ZBTB24: variants seen among roughly 807,000 people sequenced by gnomAD.
ZBTB24 encodes zinc finger and BTB domain-containing protein 24.
Under a neutral mutation model 53.8 loss-of-function variants are expected in ZBTB24, and 32 were observed. That is an observed-to-expected ratio of 0.60 (90% confidence interval 0.45 to 0.80). The LOEUF (loss-of-function observed/expected upper bound fraction) is 0.80. Among genes scored for constraint, ZBTB24 ranks in the 30% least tolerant of loss-of-function variants. The pLI is 0.00. For missense variants in ZBTB24, 722 were observed against 837.1 expected, an observed-to-expected ratio of 0.86 and a Z score of 1.70; for synonymous variants, 297 against 306.7, an observed-to-expected ratio of 0.97 and a Z score of 0.33.
chr6:109,466,500 A>G lies in ZBTB24; in HGVS notation c.1445T>C (p.Ile482Thr). The change falls in exon 7 of 7, where the codon ATT becomes ACT. Residue 482 changes from isoleucine (I) to threonine (T), a missense_variant. Ile to Thr is a moderately conservative substitution (Grantham distance 89). Coordinates refer to ENST00000230122, the MANE Select transcript of ZBTB24 (RefSeq NM_014797.3). The part of the protein sequence containing the change: ...SDSSAKRRHC[I>T]LHTGKKPFSC... ...GAAAGGCTTCTTGCCAGTGTGTAGA[A>G]TGCAGTGTCTCCTTTTGGCACTGGA... is the stretch of plus-strand genomic sequence containing the variant. 1 of 1,614,114 alleles carries G rather than the reference A, an allele frequency of 6.2e-7. No homozygotes were observed. The highest frequency in any genetic ancestry group is 8.5e-7 in the Non-Finnish European group (1 of 1,180,032).
rs1181312324 is a variant in ZBTB24, at chr6:109,462,995, C to CT, written c.*2855dup. 6.0e-5 allele frequency: 9 copies of CT among 150,584 alleles called. No individual in the cohort carries two copies. The highest frequency in any genetic ancestry group is 2.1e-4 in the South Asian group (1 of 4,760). 9.3% of individuals were successfully genotyped at this position (150,584 alleles called of 1,614,324 possible). On this transcript the variant is annotated 3_prime_UTR_variant, in exon 7 of 7. Coordinates refer to ENST00000230122, the MANE Select transcript of ZBTB24 (RefSeq NM_014797.3). ...TCTTTTGGGTACTCAAGTCATTTAACTTTTTTTTTTGAGACGGAGTCTCGC... is the reference window on the plus strand; with the variant it reads ...TCTTTTGGGTACTCAAGTCATTTAACTTTTTTTTTTTGAGACGGAGTCTCGC...
At chr6:109,482,563 G>C (rs1443102654) in intron 1 of ZBTB24, among the ~76,000 whole-genome samples, 2 of 151,692 alleles carry the variant, frequency 1.3e-5, no homozygotes, top group East Asian at 4.0e-4. Flanking sequence ...CGCAATCTCG[G>C]CTCACTGCAA....
rs767103816 is a variant in ZBTB24, at chr6:109,481,549, G to A, written c.478C>T (p.Arg160Trp). The A allele has an allele frequency of 6.2e-6, 10 of 1,614,088 alleles. No individual in the cohort carries two copies. In the South Asian group the frequency reaches 8.8e-5, roughly 14 times the overall value. The stretch of plus-strand genomic sequence containing the variant: ...ACTTTTTTTGGTCTTCCCCGTTTCC[G>A]CTTTGGAGGATCGTTTTTCTTATTA... ...ISNKKNDPPK[R>W]KRGRPKKVNT... is the part of the protein sequence containing the mutation. Residue 160 changes from arginine to tryptophan, a missense_variant, in exon 2 of 7, where the codon CGG becomes TGG. Coordinates refer to ENST00000230122, the MANE Select transcript of ZBTB24 (RefSeq NM_014797.3).
intron 2 of ZBTB24, chr6:109,480,859 T>C: frequency 2.4e-6 from 2 of 836,208 alleles, no homozygotes; most frequent in South Asian, 1.1e-4. Context: ...AGCAACCCTC[T>C]CTTACATATG....
chr6:109,477,807 T>C (rs9487124), intron 2 of ZBTB24, among the ~76,000 whole-genome samples: 7,150 of 152,260 alleles, frequency 0.047, 195 homozygotes, highest in South Asian at 0.09. Flanking sequence ...CCAGGCCTAG[T>C]GCCTCCAAGT....
In ZBTB24 at chr6:109,466,010, C is replaced by T. The variant is rs762867915; in HGVS notation, c.1935G>A (p.Leu645=). 131 of 1,614,072 alleles carry T rather than the reference C, an allele frequency of 8.1e-5. 2 individuals are homozygous for T. The highest frequency in any genetic ancestry group is 1.7e-6 in the Non-Finnish European group (2 of 1,180,056). ...VHVITLSKET[L]EHLHAHQEQT... ...GCTCTTGATGGGCATGAAGATGTTC[C>T]AGTGTTTCCTTGGACAGAGTGATCA... The change falls in exon 7 of 7, where the codon CTG becomes CTA. Residue 645 remains leucine, a synonymous_variant. Coordinates refer to ENST00000230122, the MANE Select transcript of ZBTB24 (RefSeq NM_014797.3).
At position 109,481,693 on chromosome 6, in the gene ZBTB24, T is replaced by C. The variant is rs567279982; in HGVS notation, c.334A>G (p.Thr112Ala). 182 of 1,614,096 alleles carry C rather than the reference T, an allele frequency of 1.1e-4. No homozygotes were observed. The highest frequency in any genetic ancestry group is 1.5e-4 in the Non-Finnish European group (178 of 1,180,046). Residue 112 changes from threonine (T) to alanine (A), a missense_variant, in exon 2 of 7, where the codon ACT (threonine) becomes GCT (alanine). By Grantham distance (58) the Thr-to-Ala change is moderately conservative (BLOSUM62 0). Transcript: ENST00000230122. ...SEKSTEQILA[T>A]AQFLKVYDLV... Reference sequence around the variant, plus strand: ...TCATAGACTTTTAAGAACTGAGCAGTAGCCAGGATTTGTTCTGTACTTTTC... The same window carrying C: ...TCATAGACTTTTAAGAACTGAGCAGCAGCCAGGATTTGTTCTGTACTTTTC...
Position 109,463,015 on chromosome 6 carries a change from T to C in ZBTB24, c.*2836A>G, listed in dbSNP as rs578204120. 1 of 152,144 alleles carries C rather than the reference T, an allele frequency of 6.6e-6. No individual in the cohort carries two copies. The highest frequency in any genetic ancestry group is 1.5e-5 in the Non-Finnish European group (1 of 68,006). 9.4% of individuals were successfully genotyped at this position (152,144 alleles called of 1,614,324 possible). ...TTTAACTTTTTTTTTTGAGACGGAG[T>C]CTCGCTCTGTCGCCAGGCTTGAGTG... On this transcript the variant is annotated 3_prime_UTR_variant, in exon 7 of 7. Coordinates refer to ENST00000230122, the MANE Select transcript of ZBTB24 (RefSeq NM_014797.3).
intron 2 of ZBTB24, 28 bp downstream of exon 2, chr6:109,481,047 C>G (rs773462875): frequency 6.2e-7 from 1 of 1,610,790 alleles, no homozygotes; most frequent in Non-Finnish European, 8.5e-7. Flanking sequence ...CTGCAACACA[C>G]TGCAATCAGC....
intron 4 of ZBTB24, 68 bp downstream of exon 4, chr6:109,476,107 A>G: frequency 6.4e-7 from 1 of 1,556,038 alleles, no homozygotes; most frequent in Non-Finnish European, 8.9e-7. Context: ...ATATAAACCT[A>G]ATGTTTCAGA....
Position 109,466,114 on chromosome 6 carries a change from G to C in ZBTB24, c.1831C>G (p.Gln611Glu). The C allele has an allele frequency of 6.2e-7, 1 of 1,614,232 alleles. No homozygotes were observed. Among genetic ancestry groups the C allele is most frequent in the East Asian group, 2.2e-5 (1 of 44,892 alleles). The change falls in exon 7 of 7, where the codon CAG becomes GAG. Residue 611 changes from glutamine (Q) to glutamate (E), a missense_variant. Gln to Glu is a conservative substitution (Grantham distance 29). Transcript: ENST00000230122. ...QLQNLILSAQ[Q>E]EQTEHIQSLN... ...CTCTGAATGTGTTCTGTTTGCTCCT[G>C]TTGAGCTGAAAGAATTAAATTCTGC...
intron 6 of ZBTB24, among the ~76,000 whole-genome samples, chr6:109,467,426 G>A (rs1776070166): frequency 1.3e-5 from 2 of 152,032 alleles, no homozygotes; most frequent in South Asian, 2.1e-4. Flanking sequence ...TGGGAGAATC[G>A]CCTGAACTCC....
rs952698673 is a variant in ZBTB24, at chr6:109,481,392, G to A, written c.635C>T (p.Ala212Val). 6.2e-7 allele frequency: 1 copy of A among 1,614,094 alleles called. No homozygotes were observed. The highest frequency in any genetic ancestry group is 8.5e-7 in the Non-Finnish European group (1 of 1,180,034). ...GDSGVLNEQI[A>V]AKEKEESEPT... ...CTCCGATTCTTCCTTTTCTTTTGCT[G>A]CAATTTGCTCATTCAGTACACCACT... The change falls in exon 2 of 7, where the codon GCA becomes GTA. Residue 212 changes from alanine to valine, a missense_variant. Physicochemically the swap from Ala to Val is moderately conservative, Grantham distance 64. Coordinates refer to ENST00000230122, the MANE Select transcript of ZBTB24 (RefSeq NM_014797.3).
chr6:109,465,421 A>AC lies in ZBTB24; in HGVS notation c.*429_*430insG. 4 of 545,706 alleles carry AC rather than the reference A, an allele frequency of 7.3e-6. No homozygotes were observed. The highest frequency in any genetic ancestry group is 1.3e-5 in the Non-Finnish European group (4 of 309,644). 33.8% of individuals were successfully genotyped at this position (545,706 alleles called of 1,614,324 possible). A position where few individuals can be genotyped will look rare whatever the true frequency, so the allele number is the denominator to read the frequency against. ...GGTAACAACTGTGTTGCCTAAGAAA[A>AC]ATAAGAAAATAGAACAAACCATTCT... On this transcript the variant is annotated 3_prime_UTR_variant, in exon 7 of 7. Transcript: ENST00000230122.
chr6:109,475,180 G>C (rs1452757054), intron 5 of ZBTB24, among the ~76,000 whole-genome samples: 1 of 152,098 alleles, frequency 6.6e-6, no homozygotes, highest in Non-Finnish European at 1.5e-5. Flanking sequence ...CTCAGTAAGT[G>C]ATCTCCATTT....
intron 2 of ZBTB24, among the ~76,000 whole-genome samples, chr6:109,477,199 T>C (rs1426681085): frequency 2.0e-5 from 3 of 152,174 alleles, no homozygotes; most frequent in Non-Finnish European, 2.9e-5. Flanking sequence ...GCAGTGGCGC[T>C]ACCATAGCTG....
In ZBTB24 at chr6:109,475,454, G is replaced by A; in HGVS notation, c.1233C>T (p.Cys411=). Residue 411 remains cysteine (C), a synonymous_variant, in exon 5 of 7, where the codon TGC becomes TGT. Transcript: ENST00000230122. Reference sequence around the variant, plus strand: ...GAGACACATCCATGAATTTGCGATGGCAGTCTTTGCATTCCGGTAATGAGT... The same window carrying A: ...GAGACACATCCATGAATTTGCGATGACAGTCTTTGCATTCCGGTAATGAGT... ...TGHSLPECKD[C]HRKFMDVSQL... 6.2e-7 allele frequency: 1 copy of A among 1,614,144 alleles called. No homozygotes were observed. Among genetic ancestry groups the A allele is most frequent in the Non-Finnish European group, 8.5e-7 (1 of 1,180,022 alleles).
chr6:109,465,785 G>A lies in ZBTB24; in HGVS notation c.*66C>T, dbSNP rs1032024698. 4.8e-5 allele frequency: 78 copies of A among 1,613,818 alleles called. No individual in the cohort carries two copies. The highest frequency in any genetic ancestry group is 3.5e-4 in the South Asian group (32 of 91,086). Reference sequence around the variant, plus strand: ...TGGTGTGGAGAGCCTGATTTCAAGCGTTCAAAATCCAGTCAGAGCTGGCTT... The same window carrying A: ...TGGTGTGGAGAGCCTGATTTCAAGCATTCAAAATCCAGTCAGAGCTGGCTT... On this transcript the variant is annotated 3_prime_UTR_variant, in exon 7 of 7. Coordinates refer to ENST00000230122, the MANE Select transcript of ZBTB24 (RefSeq NM_014797.3).
chr6:109,473,820 C>T (rs1018201783), intron 5 of ZBTB24, among the ~76,000 whole-genome samples: 7 of 152,108 alleles, frequency 4.6e-5, no homozygotes, highest in East Asian at 1.9e-4. Context: ...CAGTGGCTCA[C>T]GCCTGTAATC....
Sources: allele counts gnomAD v4.1 joint callset (sites outside exome capture counted in the v4.1 genomes callset), GRCh38; gene constraint gnomAD v4.1.1; transcripts MANE v1.5; gene names NCBI Gene and HGNC (gene_info 2026-07-23, HGNC 2026-07-21).